Variants in RBFOX1 observed in about 807,000 individuals in gnomAD.
RBFOX1 encodes RNA binding fox-1 homolog 1.
In RBFOX1, 8 loss-of-function variants were observed where a neutral mutation model predicts 57.7. The ratio of observed to expected loss-of-function variants is 0.14; its 90% CI spans 0.08 to 0.25. The LOEUF (loss-of-function observed/expected upper bound fraction) is 0.25, where lower values mean the gene tolerates loss of function less well. Among genes scored for constraint, RBFOX1 ranks in the 10% least tolerant of loss-of-function variants. RBFOX1 has a pLI of 1.00. For missense variants in RBFOX1, 611 were observed against 548.5 expected (o/e 1.11, Z -1.14); for synonymous variants, 326 against 222.4 (o/e 1.47, Z -4.15).
At chr16:6,018,877 C>T (rs1216887655), upstream of RBFOX1, among the ~76,000 whole-genome samples, 1 of 152,032 alleles carries the variant, frequency 6.6e-6, no homozygotes, top group African/African-American at 2.4e-5. Flanking sequence ...ATCCAACTTT[C>T]ACCCTCTGTC....
chr16:6,646,680 T>C (rs1175192569), intron 2 of RBFOX1, among the ~76,000 whole-genome samples: 11 of 152,146 alleles, frequency 7.2e-5, no homozygotes, highest in Non-Finnish European at 1.3e-4. Flanking sequence ...GACAGAGAGC[T>C]GCTTTTCCTC....
chr16:5,776,167 G>C (rs564785078), intron 3 of RBFOX1, among the ~76,000 whole-genome samples: 1 of 152,264 alleles, frequency 6.6e-6, no homozygotes, highest in South Asian at 2.1e-4. Context: ...TTATGGTTTC[G>C]TTTCACTGTG....
At chr16:7,629,913 T>C (rs929686505) in intron 10 of RBFOX1, among the ~76,000 whole-genome samples, 1 of 152,192 alleles carries the variant, frequency 6.6e-6, no homozygotes, top group Admixed American at 6.5e-5. Context: ...CCGAAGATTC[T>C]CTCATCCAGT....
intron 3 of RBFOX1, among the ~76,000 whole-genome samples, chr16:6,673,742 C>G (rs1229919023): frequency 6.6e-6 from 1 of 152,138 alleles, no homozygotes; most frequent in African/African-American, 2.4e-5. Context: ...AAGGCAAGGA[C>G]AGAAATGTAT....
intron 4 of RBFOX1, among the ~76,000 whole-genome samples, chr16:7,352,003 T>A (rs1006125042): frequency 6.6e-6 from 1 of 152,176 alleles, no homozygotes; most frequent in Non-Finnish European, 1.5e-5. Context: ...TGCAGAGTGA[T>A]TCGTGGGCTC....
At chr16:6,432,956 C>T (rs1006745884) in intron 2 of RBFOX1, among the ~76,000 whole-genome samples, 2 of 152,154 alleles carry the variant, frequency 1.3e-5, no homozygotes, top group African/African-American at 4.8e-5. Context: ...CCAGCCTGGG[C>T]TACAGAGTGA....
intron 3 of RBFOX1, among the ~76,000 whole-genome samples, chr16:5,801,277 A>G (rs575574853): frequency 6.6e-6 from 1 of 152,108 alleles, no homozygotes; most frequent in East Asian, 1.9e-4. Context: ...TCTAATTTAC[A>G]TTAAGCACTT....
intron 3 of RBFOX1, among the ~76,000 whole-genome samples, chr16:5,840,190 C>T (rs978573342): frequency 6.6e-6 from 1 of 152,192 alleles, no homozygotes; most frequent in Admixed American, 6.5e-5. Flanking sequence ...GAGTCACAAA[C>T]CCAGTGACAA....
At chr16:5,365,774 C>T (rs2065695598) in intron 1 of RBFOX1, 2 of 498,022 alleles carry the variant, frequency 4.0e-6, no homozygotes, top group Admixed American at 4.1e-5. Flanking sequence ...TTCTCTCCCA[C>T]CTAAGTGCAT....
intron 2 of RBFOX1, among the ~76,000 whole-genome samples, chr16:5,477,928 C>T (rs146918972): frequency 6.6e-6 from 1 of 152,156 alleles, no homozygotes; most frequent in Non-Finnish European, 1.5e-5. Flanking sequence ...ACTTGCTCAG[C>T]CCCAAATGCA....
At chr16:6,535,212 G>A (rs915158968) in intron 2 of RBFOX1, among the ~76,000 whole-genome samples, 28 of 152,310 alleles carry the variant, frequency 1.8e-4, no homozygotes, top group African/African-American at 6.3e-4. Context: ...AAAATCCTCT[G>A]TTCTAAGCCA....
rs568741593 is a variant in RBFOX1, at chr16:6,797,965, C to A, written c.-16+143315C>A. ...ATGGAGATGATGATGATGGTGATCA[C>A]GGTGATGGTGATAGCGGTGATGGTG... On this transcript the variant is annotated intron_variant, in intron 3 of 15. Transcript: ENST00000550418. 2.0e-5 allele frequency among the ~76,000 whole-genome samples: 3 copies of A among 151,718 alleles called. No individual in the cohort carries two copies. In the South Asian group the frequency reaches 6.3e-4, roughly 32 times the overall value.
At chr16:7,018,852 C>G (rs909479463) in intron 3 of RBFOX1, among the ~76,000 whole-genome samples, 16 of 151,986 alleles carry the variant, frequency 1.1e-4, no homozygotes, top group East Asian at 3.9e-4. Flanking sequence ...GGTGCAGTGG[C>G]TGACGACTGT....
At chr16:6,852,902 G>C (rs561230486) in intron 3 of RBFOX1, among the ~76,000 whole-genome samples, 1 of 152,038 alleles carries the variant, frequency 6.6e-6, no homozygotes, top group Non-Finnish European at 1.5e-5. Context: ...TCCACACAAG[G>C]TGCATGCTGG....
chr16:5,713,480 G>C (rs1057403372), intron 3 of RBFOX1, among the ~76,000 whole-genome samples: 3 of 152,154 alleles, frequency 2.0e-5, no homozygotes, highest in Middle Eastern at 3.2e-3. Context: ...TCTGGGCTTT[G>C]ATCCCCAAAT....
intron 2 of RBFOX1, among the ~76,000 whole-genome samples, chr16:6,592,092 G>A (rs1053057952): frequency 1.3e-5 from 2 of 152,154 alleles, no homozygotes; most frequent in Non-Finnish European, 2.9e-5. Context: ...TTAGACACAC[G>A]TTCCAATGTC....
intron 4 of RBFOX1, among the ~76,000 whole-genome samples, chr16:7,433,597 C>T (rs1598331155): frequency 1.3e-5 from 2 of 152,318 alleles, no homozygotes; most frequent in Admixed American, 1.3e-4. Context: ...ACAGGTGAAG[C>T]ACACTGACTT....
At chr16:5,949,525 C>CAAAAAAA (rs59221283) in intron 4 of RBFOX1, among the ~76,000 whole-genome samples, 1 of 32,294 alleles carries the variant, frequency 3.1e-5, no homozygotes, top group Non-Finnish European at 6.0e-5. Flanking sequence ...GAGTCCATCT[C>CAAAAAAA]AAAAAAAAAA....
chr16:5,634,647 G>T (rs2048625147), intron 3 of RBFOX1, among the ~76,000 whole-genome samples: 1 of 152,274 alleles, frequency 6.6e-6, no homozygotes, highest in South Asian at 2.1e-4. Flanking sequence ...CAGAGAGGAA[G>T]GATCATAGAT....
Sources: allele counts gnomAD v4.1 joint callset (sites outside exome capture counted in the v4.1 genomes callset), GRCh38; gene constraint gnomAD v4.1.1; transcripts MANE v1.5; gene names NCBI Gene and HGNC (gene_info 2026-07-23, HGNC 2026-07-21).